ASH1L: variants seen among roughly 807,000 people sequenced by gnomAD.
The protein encoded by ASH1L is ASH1 like histone lysine methyltransferase.
ASH1L carries 23 observed loss-of-function variants against 269.0 expected under a neutral mutation model. The observed-to-expected ratio is 0.09, with a 90% confidence interval of 0.06 to 0.12. The LOEUF (loss-of-function observed/expected upper bound fraction) is 0.12. Among genes scored for constraint, ASH1L ranks in the 10% least tolerant of loss-of-function variants. The pLI, the probability that ASH1L is intolerant of heterozygous loss-of-function variation, is 1.00. For missense variants in ASH1L, 2,912 were observed against 3,567.8 expected (o/e 0.82, Z 4.68); for synonymous variants, 1,187 against 1,253.5 (o/e 0.95, Z 1.12).
chr1:155,505,354 C>T (rs1444977565), intron 2 of ASH1L, among the ~76,000 whole-genome samples: 2 of 152,116 alleles, frequency 1.3e-5, no homozygotes, highest in South Asian at 2.1e-4. Context: ...AATGATTCTG[C>T]GATTCACATA....
chr1:155,480,381 C>G lies in ASH1L; in HGVS notation c.2489G>C (p.Arg830Thr). Residue 830 changes from arginine (R) to threonine (T), a missense_variant, in exon 3 of 28, where the codon AGG becomes ACG. Physicochemically the swap from Arg to Thr is moderately conservative, Grantham distance 71. Transcript: ENST00000392403. ...LSDIYKPKRG[R>T]PKSKEMPQLE... ...TTGAGGCATCTCCTTAGATTTAGGC[C>G]TTCCTCTTTTGGGCTTATAAATATC... is the stretch of plus-strand genomic sequence containing the variant. The G allele has an allele frequency of 6.2e-7, 1 of 1,613,920 alleles. No homozygotes were observed. The highest frequency in any genetic ancestry group is 8.5e-7 in the Non-Finnish European group (1 of 1,179,876).
Position 155,480,644 on chromosome 1 carries a change from A to C in ASH1L, c.2226T>G (p.Phe742Leu). 1 of 1,614,066 alleles carries C rather than the reference A, an allele frequency of 6.2e-7. No individual in the cohort carries two copies. The highest frequency in any genetic ancestry group is 8.5e-7 in the Non-Finnish European group (1 of 1,179,982). ...ATAGTGAGCTACATGAAACGTTTTT[A>C]AAAAGCTCTGATCTTTCTAATTCTA... ...KGLELERSEL[F>L]KNVSCSSLSN... The change falls in exon 3 of 28, where the codon TTT becomes TTG. Residue 742 changes from phenylalanine (F) to leucine (L), a missense_variant. Physicochemically the swap from Phe to Leu is conservative, Grantham distance 22. Coordinates refer to ENST00000392403, the MANE Select transcript of ASH1L (RefSeq NM_018489.3).
At chr1:155,461,139 G>A (rs557667767) in intron 3 of ASH1L, among the ~76,000 whole-genome samples, 1 of 152,272 alleles carries the variant, frequency 6.6e-6, no homozygotes, top group South Asian at 2.1e-4. Context: ...TTCAAGATCT[G>A]CCTCTAAATG....
chr1:155,362,047 T>C (rs1655003773), intron 12 of ASH1L, among the ~76,000 whole-genome samples: 1 of 152,062 alleles, frequency 6.6e-6, no homozygotes, highest in Non-Finnish European at 1.5e-5. Context: ...TTTTTGTTTA[T>C]TGTTTTTGAG....
At position 155,562,602 on chromosome 1, in the gene ASH1L, C is replaced by A; in HGVS notation, c.-549G>T. The A allele has an allele frequency of 6.5e-7, 1 of 1,528,708 alleles. No homozygotes were observed. The allele number at this position is 1,528,708 out of a possible 1,614,324, so 94.7% of individuals were successfully genotyped here. On this transcript the variant is annotated 5_prime_UTR_variant, in exon 1 of 28. Transcript: ENST00000392403. ...CCGTCCGCGTAGCGCGCACGCCCGC[C>A]CGCACGCGTACGAGTGTCTACGGGC... is the stretch of plus-strand genomic sequence containing the variant.
chr1:155,383,178 T>C (rs369674481), intron 7 of ASH1L, among the ~76,000 whole-genome samples: 9 of 152,328 alleles, frequency 5.9e-5, no homozygotes, highest in African/African-American at 2.2e-4. Flanking sequence ...GTTAAAAAAT[T>C]AAGTTTATAA....
At chr1:155,558,979 G>C (rs1445832218) in intron 1 of ASH1L, among the ~76,000 whole-genome samples, 1 of 150,700 alleles carries the variant, frequency 6.6e-6, no homozygotes, top group African/African-American at 2.4e-5. Context: ...CAACTGGCTG[G>C]GACTACCGGC....
chr1:155,352,131 A>G (rs991908640), intron 17 of ASH1L, among the ~76,000 whole-genome samples: 1 of 151,972 alleles, frequency 6.6e-6, no homozygotes, highest in Non-Finnish European at 1.5e-5. Flanking sequence ...CATGGTAGAC[A>G]TACTTACTGC....
chr1:155,422,017 C>T (rs1166247803), intron 5 of ASH1L, among the ~76,000 whole-genome samples: 9 of 152,154 alleles, frequency 5.9e-5, no homozygotes, highest in Admixed American at 3.3e-4. Context: ...AAACTCTATT[C>T]CATCCTCCCT....
intron 17 of ASH1L, among the ~76,000 whole-genome samples, 175 bp downstream of exon 17, chr1:155,352,531 G>A (rs1654022637): frequency 2.0e-5 from 3 of 151,276 alleles, no homozygotes; most frequent in African/African-American, 7.3e-5. Context: ...ATGCCCACGA[G>A]CAGTAGCTCA....
chr1:155,343,828 C>T lies in ASH1L; in HGVS notation c.7982-86G>A, dbSNP rs1653009979. ...ATCTGTTTATCTGACTCAGGGTCTA[C>T]ATAGAACTCATAATCTGAAACAGTA... On this transcript the variant is annotated intron_variant, in intron 22 of 27. Coordinates refer to ENST00000392403, the MANE Select transcript of ASH1L (RefSeq NM_018489.3). The surrounding 1 kb of genome is among the most constrained non-coding windows in gnomAD (Gnocchi z 6.1). 1 of 1,435,146 alleles carries T rather than the reference C, an allele frequency of 7.0e-7. No homozygotes were observed. Among genetic ancestry groups the T allele is most frequent in the African/African-American group, 1.4e-5 (1 of 69,998 alleles). The allele number at this position is 1,435,146 out of a possible 1,614,324, so 88.9% of individuals were successfully genotyped here. A position where few individuals can be genotyped will look rare whatever the true frequency, so the allele number is the denominator to read the frequency against.
intron 2 of ASH1L, among the ~76,000 whole-genome samples, chr1:155,517,581 G>A (rs182108062): frequency 1.6e-3 from 241 of 151,658 alleles, no homozygotes; most frequent in Admixed American, 3.9e-3. Flanking sequence ...CAGAGGCTGC[G>A]GTCTCAAGCC....
chr1:155,402,756 G>A (rs112463462), intron 6 of ASH1L, among the ~76,000 whole-genome samples: 197 of 151,918 alleles, frequency 1.3e-3, no homozygotes, highest in Middle Eastern at 3.4e-3. Context: ...TCCTCACCAT[G>A]ATGTCTAGGC....
At chr1:155,495,534 T>C (rs1267100936) in intron 2 of ASH1L, among the ~76,000 whole-genome samples, 1 of 152,146 alleles carries the variant, frequency 6.6e-6, no homozygotes, top group Admixed American at 6.5e-5. Flanking sequence ...TACACCTGTA[T>C]AGGGTACTTA....
intron 24 of ASH1L, among the ~76,000 whole-genome samples, chr1:155,342,703 AATAG>A (rs1351276247): frequency 2.6e-5 from 4 of 152,212 alleles, no homozygotes; most frequent in Admixed American, 2.0e-4. Context: ...AACTCTTTAA[AATAG>A]ATAGTCCTTA....
intron 2 of ASH1L, among the ~76,000 whole-genome samples, chr1:155,520,729 G>C (rs530899391): frequency 1.3e-5 from 2 of 152,178 alleles, no homozygotes; most frequent in East Asian, 3.9e-4. Context: ...CGGTGTGGTG[G>C]TGGGTGCCTG....
chr1:155,348,696 A>G (rs1478214474), intron 19 of ASH1L, among the ~76,000 whole-genome samples: 3 of 152,110 alleles, frequency 2.0e-5, no homozygotes, highest in African/African-American at 7.2e-5. Context: ...AGCCTGGCCA[A>G]CATGGTGAAA....
chr1:155,521,275 T>A lies in ASH1L; in HGVS notation c.245A>T (p.Glu82Val). The A allele has an allele frequency of 6.2e-7, 1 of 1,614,202 alleles. No homozygotes were observed. ...QFSVKETNFS[E>V]GNLKLKIGLQ... ...GCCAATTTTCAATTTTAAATTTCCC[T>A]CTGAAAAGTTTGTTTCTTTCACTGA... Residue 82 changes from glutamate to valine, a missense_variant, in exon 2 of 28, where the codon GAG (glutamate) becomes GTG (valine). By Grantham distance (121) the Glu-to-Val change is moderately radical. Around this residue, in one of 13 missense-constraint regions of ASH1L, gnomAD observed 115 missense variants for 101.5 expected, o/e 1.13. Transcript: ENST00000392403.
At chr1:155,369,674 T>A (rs1655760948) in intron 12 of ASH1L, among the ~76,000 whole-genome samples, 1 of 152,146 alleles carries the variant, frequency 6.6e-6, no homozygotes, top group Non-Finnish European at 1.5e-5. Context: ...CACCAGGTAT[T>A]TAATAAGCAT....
Sources: allele counts gnomAD v4.1 joint callset (sites outside exome capture counted in the v4.1 genomes callset), GRCh38; gene constraint gnomAD v4.1.1; regional missense constraint gnomAD v4.1.1; non-coding constraint Gnocchi (gnomAD v3.1); transcripts MANE v1.5; gene names NCBI Gene and HGNC (gene_info 2026-07-23, HGNC 2026-07-21).